BBS9: variants seen among roughly 807,000 people sequenced by gnomAD.
The protein encoded by BBS9 is Bardet-Biedl syndrome 9, also known as protein PTHB1.
In BBS9, 89 loss-of-function variants were observed where a neutral mutation model predicts 117.7. The ratio of observed to expected loss-of-function variants is 0.76; its 90% CI spans 0.64 to 0.90. BBS9 has a LOEUF of 0.90. BBS9 is among the 40% of genes least tolerant of loss of function. The pLI is 0.00. For synonymous variants in BBS9, 379 were observed against 370.9 expected (o/e 1.02, Z -0.25); for missense variants, 982 against 1,042.2 (o/e 0.94, Z 0.80).
At chr7:33,390,500 AG>A in intron 19 of BBS9, 1 of 974,198 alleles carries the variant, frequency 1.0e-6, no homozygotes, top group Non-Finnish European at 1.2e-6. Flanking sequence ...AAACATTTGA[AG>A]GAAAAATATG....
At chr7:33,231,068 A>G (rs1020782321) in intron 5 of BBS9, among the ~76,000 whole-genome samples, 1 of 152,154 alleles carries the variant, frequency 6.6e-6, no homozygotes, top group African/African-American at 2.4e-5. Context: ...TTTTCACCAC[A>G]TCTGTGCCGA....
intron 15 of BBS9, among the ~76,000 whole-genome samples, chr7:33,357,522 A>C (rs1192713328): frequency 6.6e-6 from 1 of 151,784 alleles, no homozygotes; most frequent in Non-Finnish European, 1.5e-5. Flanking sequence ...AGAGCTCTGA[A>C]GGTCTTAAAG....
In BBS9 at chr7:33,350,982, C is replaced by A. The variant is rs78352573; in HGVS notation, c.1433-237C>A. 0.021 allele frequency among the ~76,000 whole-genome samples: 3,245 copies of A among 152,292 alleles called. 209 individuals carry two copies. The East Asian group carries it at 0.26, about 12-fold the overall frequency. On this transcript the variant is annotated intron_variant, in intron 13 of 22. Transcript: ENST00000242067. ...GTGTTGGGATTACAGGCGTGAGCCA[C>A]TGTGCCCGGTCTTAGGCAAGCTTCT... is the stretch of plus-strand genomic sequence containing the variant.
At chr7:33,253,840 G>A (rs1165728241) in intron 5 of BBS9, among the ~76,000 whole-genome samples, 1 of 152,130 alleles carries the variant, frequency 6.6e-6, no homozygotes, top group African/African-American at 2.4e-5. Context: ...CTCCTATCTT[G>A]TTGAGAAGAA....
chr7:33,626,695 CAA>C (rs1865652121), intron 21 of BBS9, among the ~76,000 whole-genome samples: 1 of 152,136 alleles, frequency 6.6e-6, no homozygotes, highest in South Asian at 2.1e-4. Flanking sequence ...TAGGCATTAG[CAA>C]AGAGGTTGGA....
At chr7:33,163,089 T>C (rs1232927372) in intron 4 of BBS9, among the ~76,000 whole-genome samples, 1 of 152,326 alleles carries the variant, frequency 6.6e-6, no homozygotes, top group East Asian at 1.9e-4. Context: ...GAGATAATCA[T>C]GTGGTTTTTG....
chr7:33,142,884 C>T (rs971922721), intron 1 of BBS9, among the ~76,000 whole-genome samples: 3 of 152,020 alleles, frequency 2.0e-5, no homozygotes, highest in African/African-American at 2.4e-5. Context: ...ACAGTAAATC[C>T]GTGTGTAAAA....
intron 4 of BBS9, among the ~76,000 whole-genome samples, chr7:33,174,727 A>G (rs2128156552): frequency 6.6e-6 from 1 of 152,330 alleles, no homozygotes; most frequent in Middle Eastern, 3.4e-3. Context: ...TTTAGGCTAA[A>G]CTTGATTTAA....
At chr7:33,349,687 T>C (rs1246775846) in intron 13 of BBS9, among the ~76,000 whole-genome samples, 1 of 152,178 alleles carries the variant, frequency 6.6e-6, no homozygotes, top group Non-Finnish European at 1.5e-5. Flanking sequence ...TATCTCGGCC[T>C]CCCAGAGTAC....
At chr7:33,269,232 A>G (rs1434914920) in intron 7 of BBS9, among the ~76,000 whole-genome samples, 1 of 152,222 alleles carries the variant, frequency 6.6e-6, no homozygotes, top group Non-Finnish European at 1.5e-5. Context: ...CTTGTCTTTA[A>G]TGTGACTTTT....
At chr7:33,609,599 T>C (rs1172603885), downstream of BBS9, among the ~76,000 whole-genome samples, 1 of 152,168 alleles carries the variant, frequency 6.6e-6, no homozygotes, top group East Asian at 1.9e-4. Flanking sequence ...CTCCTTTGAC[T>C]TGGGGTCCAT....
intron 4 of BBS9, among the ~76,000 whole-genome samples, chr7:33,176,670 C>G (rs1797369551): frequency 6.6e-6 from 1 of 151,900 alleles, no homozygotes. Context: ...TGAGTACTAC[C>G]CAGTTTGAGG....
At chr7:33,154,898 AAGTAATAGCCACCTCCTTT>A (rs1292813295) in intron 3 of BBS9, among the ~76,000 whole-genome samples, 1 of 152,246 alleles carries the variant, frequency 6.6e-6, no homozygotes, top group Non-Finnish European at 1.5e-5. Context: ...GCCCAGAACC[AAGTAATAGCCACCTCCTTT>A]AGTCTGGTTC....
rs541011863 is a variant in BBS9 at position 33,585,603 on chromosome 7, A to C, written c.2522-19262A>C. Among the ~76,000 whole-genome samples the C allele has an allele frequency of 9.2e-5, 14 of 152,240 alleles. No homozygotes were observed. The South Asian group carries it at 2.9e-3, about 32-fold the overall frequency. Reference sequence around the variant, plus strand: ...CACTACCATTCTAGATCACTATTAAATGAGCAAACACAAAATAAGTAACAC... The same window carrying C: ...CACTACCATTCTAGATCACTATTAACTGAGCAAACACAAAATAAGTAACAC... On this transcript the variant is annotated intron_variant, in intron 21 of 22. Transcript: ENST00000242067.
intron 19 of BBS9, among the ~76,000 whole-genome samples, chr7:33,423,636 C>T (rs1397881416): frequency 6.6e-6 from 1 of 151,942 alleles, no homozygotes; most frequent in Non-Finnish European, 1.5e-5. Context: ...TTATAGGTGC[C>T]CCAGGAAATA....
intron 19 of BBS9, among the ~76,000 whole-genome samples, chr7:33,426,067 C>G (rs1473190544): frequency 6.6e-6 from 1 of 152,028 alleles, no homozygotes; most frequent in Non-Finnish European, 1.5e-5. Context: ...AAAATATTGG[C>G]ATGAAGAGAA....
chr7:33,512,642 C>T (rs1018621240), intron 20 of BBS9, among the ~76,000 whole-genome samples: 1 of 152,190 alleles, frequency 6.6e-6, no homozygotes, highest in Non-Finnish European at 1.5e-5. Context: ...TTTCCCTGAC[C>T]TAGTTTGAGT....
intron 20 of BBS9, among the ~76,000 whole-genome samples, chr7:33,515,523 T>C (rs1043947917): frequency 6.6e-6 from 1 of 152,218 alleles, no homozygotes; most frequent in African/African-American, 2.4e-5. Context: ...CAAAACTTCA[T>C]TTTTCCTCCT....
intron 19 of BBS9, among the ~76,000 whole-genome samples, chr7:33,397,682 C>CT (rs1469499352): frequency 1.3e-5 from 2 of 152,054 alleles, no homozygotes; most frequent in Non-Finnish European, 1.5e-5. Flanking sequence ...ATGGGTGGAG[C>CT]TGGAAGCCAT....
Sources: gnomAD v4.1 joint callset for allele counts (sites outside exome capture counted in the v4.1 genomes callset) on GRCh38, gnomAD v4.1.1 for gene constraint, MANE v1.5 for transcripts, NCBI Gene and HGNC (gene_info 2026-07-23, HGNC 2026-07-21) for gene names.